The following PRRC2B variants were observed in gnomAD, a reference collection of about 807,000 sequenced individuals.
PRRC2B encodes protein PRRC2B.
In PRRC2B, 68 loss-of-function variants were observed where a neutral mutation model predicts 242.3. The ratio of observed to expected loss-of-function variants is 0.28; its 90% CI spans 0.23 to 0.34. The LOEUF (loss-of-function observed/expected upper bound fraction) is 0.34, where lower values mean the gene tolerates loss of function less well. Ranked by LOEUF, PRRC2B falls within the 10% of genes least tolerant of loss-of-function variation. PRRC2B has a pLI of 1.00. For synonymous variants in PRRC2B, 1,228 were observed against 1,173.6 expected (o/e 1.05, Z -0.95); for missense variants, 2,835 against 2,954.8 (o/e 0.96, Z 0.94).
At chr9:131,442,563 G>A (rs1302219875) in intron 5 of PRRC2B, among the ~76,000 whole-genome samples, 1 of 152,298 alleles carries the variant, frequency 6.6e-6, no homozygotes, top group South Asian at 2.1e-4. Context: ...AGTGGCAAGC[G>A]AATTGCTGCC....
At chr9:131,424,552 G>A (rs1445361649) in intron 1 of PRRC2B, among the ~76,000 whole-genome samples, 2 of 152,082 alleles carry the variant, frequency 1.3e-5, no homozygotes, top group Non-Finnish European at 2.9e-5. Flanking sequence ...TGGGCGTGGT[G>A]GCGCGCACCT....
rs1165441101 is a variant in PRRC2B at position 131,459,263 on chromosome 9, A to C, written c.1311A>C (p.Glu437Asp). ...RTREEGKDWA[E>D]AVGASRVVRK... ...GAGAGGAAGGGAAGGACTGGGCTGA[A>C]GCAGTGGGTGCGTCCCGTGTGGTCC... Residue 437 changes from glutamate to aspartate, a missense_variant, in exon 11 of 32, where the codon GAA (glutamate) becomes GAC (aspartate). This residue lies in a region of PRRC2B where 626 missense variants were observed against 685.5 expected (regional missense o/e 0.91). Coordinates refer to ENST00000683519, the MANE Select transcript of PRRC2B (RefSeq NM_013318.4). 1 of 1,613,988 alleles carries C rather than the reference A, an allele frequency of 6.2e-7. No individual in the cohort carries two copies. The highest frequency in any genetic ancestry group is 1.7e-5 in the Admixed American group (1 of 60,016).
intron 15 of PRRC2B, 139 bp downstream of exon 15, chr9:131,473,863 C>G (rs1382339296): frequency 1.6e-6 from 1 of 643,766 alleles, no homozygotes. Flanking sequence ...CCTGGTTCCT[C>G]TGGGGAAGGA....
chr9:131,437,728 A>C (rs960063574), intron 4 of PRRC2B, among the ~76,000 whole-genome samples: 1 of 152,234 alleles, frequency 6.6e-6, no homozygotes, highest in Non-Finnish European at 1.5e-5. Context: ...ACAAGAAAAG[A>C]GGTCTATAAT....
At chr9:131,414,198 C>G (rs1837580008) in intron 1 of PRRC2B, among the ~76,000 whole-genome samples, 1 of 151,618 alleles carries the variant, frequency 6.6e-6, no homozygotes, top group African/African-American at 2.4e-5. Context: ...ACTGGGAGAA[C>G]TGAACTCTCC....
At chr9:131,451,438 T>TG (rs1942916292) in intron 9 of PRRC2B, among the ~76,000 whole-genome samples, 1 of 152,190 alleles carries the variant, frequency 6.6e-6, no homozygotes, top group Non-Finnish European at 1.5e-5. Flanking sequence ...TTGTGTTCAC[T>TG]GGTACCAGAC....
At chr9:131,472,891 GTTTTTC>G (rs1943585345) in intron 14 of PRRC2B, among the ~76,000 whole-genome samples, 1 of 152,008 alleles carries the variant, frequency 6.6e-6, no homozygotes, top group African/African-American at 2.4e-5. Context: ...TGGTCCTATT[GTTTTTC>G]TTTTGCTTCT....
chr9:131,485,293 G>T (rs776584588), intron 25 of PRRC2B, among the ~76,000 whole-genome samples, 153 bp downstream of exon 25: 1 of 152,234 alleles, frequency 6.6e-6, no homozygotes, highest in African/African-American at 2.4e-5. Flanking sequence ...TAGCTCCCAT[G>T]TGCTGCAGGT....
intron 1 of PRRC2B, among the ~76,000 whole-genome samples, chr9:131,420,497 T>TCTTTCTTTCTTTCTTTCTTTC (rs72209206): frequency 6.1e-5 from 1 of 16,432 alleles, no homozygotes; most frequent in Non-Finnish European, 1.5e-4. Flanking sequence ...TTCTTTCTTT[T>TCTTTCTTTCTTTCTTTCTTTC]TTTTTTTTTT....
At chr9:131,380,102 C>T (rs1443975208) in intron 1 of PRRC2B, among the ~76,000 whole-genome samples, 1 of 150,280 alleles carries the variant, frequency 6.7e-6, no homozygotes, top group Non-Finnish European at 1.5e-5. Flanking sequence ...GAGCAATTCT[C>T]CTGCCTCAGC....
chr9:131,418,951 A>C (rs1471097672), intron 1 of PRRC2B, among the ~76,000 whole-genome samples: 2 of 152,192 alleles, frequency 1.3e-5, no homozygotes, highest in Non-Finnish European at 2.9e-5. Context: ...TGGTGAAGAG[A>C]GATCCAGGGA....
intron 10 of PRRC2B, among the ~76,000 whole-genome samples, chr9:131,455,719 TAC>T (rs1331912304): frequency 1.3e-5 from 2 of 152,012 alleles, no homozygotes; most frequent in African/African-American, 2.4e-5. Context: ...TTTGCCACGT[TAC>T]CCAGGTTTGG....
At chr9:131,484,037 G>A (rs1184561217) in intron 23 of PRRC2B, among the ~76,000 whole-genome samples, 1 of 152,224 alleles carries the variant, frequency 6.6e-6, no homozygotes, top group African/African-American at 2.4e-5. Context: ...TGTGAGTGCT[G>A]TACAATATTC....
chr9:131,455,517 T>C (rs1288167668), intron 10 of PRRC2B, among the ~76,000 whole-genome samples: 7 of 144,404 alleles, frequency 4.8e-5, no homozygotes, highest in South Asian at 2.3e-4. Flanking sequence ...CTTCTTTTTT[T>C]TTTTTTTTTT....
chr9:131,469,062 G>T (rs11243401), intron 13 of PRRC2B, among the ~76,000 whole-genome samples: 1 of 152,080 alleles, frequency 6.6e-6, no homozygotes, highest in Non-Finnish European at 1.5e-5. Context: ...AGGAATTGCC[G>T]GGCGTGGTGG....
chr9:131,383,842 G>A (rs1244114547), intron 1 of PRRC2B, among the ~76,000 whole-genome samples: 1 of 151,710 alleles, frequency 6.6e-6, no homozygotes, highest in Non-Finnish European at 1.5e-5. Flanking sequence ...AGGATGGTCT[G>A]GATCTCTTGA....
intron 1 of PRRC2B, among the ~76,000 whole-genome samples, chr9:131,428,467 G>C (rs1838033542): frequency 6.6e-6 from 1 of 152,172 alleles, no homozygotes; most frequent in South Asian, 2.1e-4. Flanking sequence ...GGCAATCTCA[G>C]CTCACTGCAA....
At chr9:131,470,760 G>C (rs1377128800) in intron 13 of PRRC2B, 28 bp from the exon 14 acceptor site, 3 of 1,601,126 alleles carry the variant, frequency 1.9e-6, no homozygotes, top group Non-Finnish European at 2.6e-6. Flanking sequence ...GCACCAGCCT[G>C]ACCAAGTCTC....
At position 131,475,347 on chromosome 9, in the gene PRRC2B, A is replaced by C. The variant is rs1382315543; in HGVS notation, c.3218A>C (p.Glu1073Ala). 6.3e-7 allele frequency: 1 copy of C among 1,588,126 alleles called. No individual in the cohort carries two copies. The change falls in exon 16 of 32, where the codon GAG (glutamate) becomes GCG (alanine). Residue 1073 changes from glutamate to alanine, a missense_variant. Coordinates refer to ENST00000683519, the MANE Select transcript of PRRC2B (RefSeq NM_013318.4). ...CGGGGCCGGGGCCGTGGTTTCAGAG[A>C]GTTCACTTTTCGTGGTCGGCCTGCT... ...QARGRGRGFREFTFRGRPAGG... is the reference protein window; with the variant it reads ...QARGRGRGFRAFTFRGRPAGG...
Sources: gnomAD v4.1 joint callset for allele counts (sites outside exome capture counted in the v4.1 genomes callset) on GRCh38, gnomAD v4.1.1 for gene constraint, gnomAD v4.1.1 regional missense constraint, MANE v1.5 for transcripts, NCBI Gene and HGNC (gene_info 2026-07-23, HGNC 2026-07-21) for gene names.